DNAH3: variants seen among roughly 807,000 people sequenced by gnomAD.
The protein encoded by DNAH3 is axonemal beta dynein heavy chain 3.
DNAH3 carries 332 observed loss-of-function variants against 432.5 expected under a neutral mutation model. The ratio of observed to expected loss-of-function variants is 0.77; its 90% CI spans 0.70 to 0.84. The LOEUF (loss-of-function observed/expected upper bound fraction) is 0.84. DNAH3 is among the 40% of genes least tolerant of loss of function. The probability of loss-of-function intolerance (pLI) is 0.00; values close to 1 mark genes in which losing one functional copy is unlikely to be tolerated. For missense variants in DNAH3, 4,861 were observed against 5,114.0 expected (o/e 0.95, Z 1.51); for synonymous variants, 1,956 against 1,900.2 (o/e 1.03, Z -0.76).
intron 23 of DNAH3, 99 bp downstream of exon 23, chr16:21,069,314 ACT>A (rs2090693021): frequency 2.8e-6 from 3 of 1,062,442 alleles, no homozygotes; most frequent in East Asian, 2.4e-5. Flanking sequence ...ATTTTCCAAA[ACT>A]CTAGTTCATT....
chr16:20,949,950 G>A (rs1157758038), intron 56 of DNAH3, among the ~76,000 whole-genome samples: 1 of 152,170 alleles, frequency 6.6e-6, no homozygotes, highest in Non-Finnish European at 1.5e-5. Flanking sequence ...ATGGTCTGAA[G>A]AGGAACCCTA....
At chr16:21,111,064 C>A (rs2092059194) in intron 14 of DNAH3, among the ~76,000 whole-genome samples, 1 of 152,052 alleles carries the variant, frequency 6.6e-6, no homozygotes, top group Non-Finnish European at 1.5e-5. Flanking sequence ...TGCCTATAGT[C>A]CTAGCTACTC....
intron 25 of DNAH3, 22 bp downstream of exon 25, chr16:21,062,460 A>C: frequency 6.2e-7 from 1 of 1,610,246 alleles, no homozygotes; most frequent in Non-Finnish European, 8.5e-7. Context: ...GAAAAGAACC[A>C]AAAATGGGTA....
At chr16:21,153,655 A>G (rs1322774155) in intron 1 of DNAH3, among the ~76,000 whole-genome samples, 2 of 152,018 alleles carry the variant, frequency 1.3e-5, no homozygotes, top group Non-Finnish European at 2.9e-5. Flanking sequence ...CTGCAGCTTC[A>G]CTCCTGCGCC....
At chr16:20,936,783 A>AGGACAT (rs749272869) in exon 60 of DNAH3, 1 of 1,613,724 alleles carries the variant, frequency 6.2e-7, no homozygotes, top group African/African-American at 1.3e-5. Flanking sequence ...TCTAGCTCCG[A>AGGACAT]GGACATCAGG....
At chr16:21,131,207 T>TGCAC (rs2092549641) in intron 7 of DNAH3, among the ~76,000 whole-genome samples, 1 of 151,972 alleles carries the variant, frequency 6.6e-6, no homozygotes, top group Non-Finnish European at 1.5e-5. Flanking sequence ...CATGGTGGCA[T>TGCAC]GCACCTATAG....
At chr16:20,935,254 T>A (rs2083544501) in intron 61 of DNAH3, 94 bp downstream of exon 61, 1 of 1,495,830 alleles carries the variant, frequency 6.7e-7, no homozygotes, top group Non-Finnish European at 9.2e-7. Context: ...CATTTGGGTC[T>A]TAACACATCC....
At chr16:21,062,892 T>C (rs1483534743) in intron 24 of DNAH3, 1 of 556,238 alleles carries the variant, frequency 1.8e-6, no homozygotes, top group Non-Finnish European at 3.2e-6. Context: ...CTTGCCATAT[T>C]GCCCAGGCTA....
chr16:21,040,426 A>G (rs1331093270), intron 32 of DNAH3, among the ~76,000 whole-genome samples: 2 of 129,464 alleles, frequency 1.5e-5, no homozygotes, highest in African/African-American at 6.0e-5. Flanking sequence ...GGGCAGTGGC[A>G]CGATCTTGGC....
chr16:21,145,475 C>T (rs1313631246), intron 2 of DNAH3, 69 bp from the exon 4 acceptor site: 5 of 1,349,640 alleles, frequency 3.7e-6, no homozygotes, highest in Non-Finnish European at 5.3e-6. Flanking sequence ...GCTCTGCTCA[C>T]ACTGAGGCTC....
At chr16:20,970,863 C>CTTTTT (rs869203073) in intron 51 of DNAH3, among the ~76,000 whole-genome samples, 5 of 124,050 alleles carry the variant, frequency 4.0e-5, no homozygotes, top group Non-Finnish European at 8.3e-5. Flanking sequence ...TTTCTCTATT[C>CTTTTT]TTTTTTTTTT....
At chr16:20,948,874 C>T (rs1319910456) in intron 56 of DNAH3, among the ~76,000 whole-genome samples, 1 of 152,150 alleles carries the variant, frequency 6.6e-6, no homozygotes, top group African/African-American at 2.4e-5. Flanking sequence ...TGTTTTCCCA[C>T]TTGAATGTTG....
chr16:21,063,205 TTC>T (rs1351870811), intron 24 of DNAH3, among the ~76,000 whole-genome samples: 1 of 152,150 alleles, frequency 6.6e-6, no homozygotes, highest in Non-Finnish European at 1.5e-5. Flanking sequence ...TTATACAAAA[TTC>T]CAGAGCCACA....
chr16:20,980,685 G>C (rs1201364503), intron 49 of DNAH3, among the ~76,000 whole-genome samples: 1 of 152,004 alleles, frequency 6.6e-6, no homozygotes, highest in Admixed American at 6.6e-5. Context: ...ACCATGCCCA[G>C]CCAATTTTTA....
intron 20 of DNAH3, among the ~76,000 whole-genome samples, chr16:21,079,802 ACATTTG>A (rs1230469395): frequency 6.6e-6 from 1 of 152,200 alleles, no homozygotes; most frequent in Admixed American, 6.5e-5. Flanking sequence ...CTGATAAAAA[ACATTTG>A]CGTCTCTAGG....
At chr16:21,084,495 T>C (rs1175401086) in intron 19 of DNAH3, among the ~76,000 whole-genome samples, 1 of 152,026 alleles carries the variant, frequency 6.6e-6, no homozygotes, top group East Asian at 1.9e-4. Flanking sequence ...GCTAATTTTT[T>C]TGTATTTCTT....
intron 58 of DNAH3, among the ~76,000 whole-genome samples, chr16:20,942,635 G>A (rs2083866451): frequency 1.3e-5 from 2 of 152,180 alleles, no homozygotes; most frequent in Non-Finnish European, 2.9e-5. Context: ...GGGAAGGGAT[G>A]GGAGAGGAAG....
At chr16:20,948,504 G>A in exon 57 of DNAH3, 1 of 1,613,834 alleles carries the variant, frequency 6.2e-7, no homozygotes, top group Non-Finnish European at 8.5e-7. Flanking sequence ...CATGAGGAGG[G>A]ATGTAGTAAG....
chr16:20,963,486 G>A (rs778046990), exon 53 of DNAH3: 8 of 1,614,032 alleles, frequency 5.0e-6, no homozygotes, highest in African/African-American at 1.3e-5. Flanking sequence ...ATCCTTGAGA[G>A]AACTTCCAAG....
Sources: gnomAD v4.1 joint callset for allele counts (sites outside exome capture counted in the v4.1 genomes callset) on GRCh38, gnomAD v4.1.1 for gene constraint, MANE v1.5 for transcripts, NCBI Gene and HGNC (gene_info 2026-07-23, HGNC 2026-07-21) for gene names.